Variants in RASAL2 observed in about 807,000 individuals in gnomAD.
RASAL2 encodes ras GTPase-activating protein nGAP.
Under a neutral mutation model 128.9 loss-of-function variants are expected in RASAL2, and 58 were observed. The ratio of observed to expected loss-of-function variants is 0.45; its 90% CI spans 0.36 to 0.56. The LOEUF is 0.56. Among genes scored for constraint, RASAL2 ranks in the 20% least tolerant of loss-of-function variants. The pLI is 0.00. For missense variants in RASAL2, 1,360 were observed against 1,601.6 expected, an observed-to-expected ratio of 0.85 and a Z score of 2.57; for synonymous variants, 561 against 580.8, an observed-to-expected ratio of 0.97 and a Z score of 0.49.
At chr1:178,234,132 A>G (rs886785856) in intron 1 of RASAL2, among the ~76,000 whole-genome samples, 2 of 152,182 alleles carry the variant, frequency 1.3e-5, no homozygotes, top group Non-Finnish European at 2.9e-5. Flanking sequence ...CTTGAACTCA[A>G]TTTTGGAGCA....
At chr1:178,456,664 C>G (rs1293123921) in intron 12 of RASAL2, 57 bp from the exon 13 acceptor site, 2 of 1,584,104 alleles carry the variant, frequency 1.3e-6, no homozygotes, top group South Asian at 1.1e-5. Context: ...CAAAAACAAT[C>G]TGTGGTGGAT....
rs1337887263 is a variant in RASAL2 at position 178,473,137 on chromosome 1, G to A, written c.3741G>A (p.Val1247=). The A allele has an allele frequency of 6.2e-7, 1 of 1,614,234 alleles. No individual in the cohort carries two copies. ...NTRLMSALTQ[V]KERYSMQVRN... is the part of the protein sequence containing the mutation. ...GACTGATGAGCGCGCTGACCCAAGT[G>A]AAGGAGCGGTACAGCATGCAGGTCC... The change falls in exon 18 of 18, where the codon GTG becomes GTA. Residue 1247 remains valine, a synonymous_variant. Coordinates refer to ENST00000367649, the MANE Select transcript of RASAL2 (RefSeq NM_170692.4).
chr1:178,320,188 T>C (rs1296792415), intron 3 of RASAL2, among the ~76,000 whole-genome samples: 2 of 151,940 alleles, frequency 1.3e-5, no homozygotes, highest in Non-Finnish European at 2.9e-5. Flanking sequence ...GAACCACTGC[T>C]CTCTTCAAAG....
chr1:178,322,786 A>G (rs547034191), intron 3 of RASAL2, among the ~76,000 whole-genome samples: 1 of 152,212 alleles, frequency 6.6e-6, no homozygotes, highest in Non-Finnish European at 1.5e-5. Flanking sequence ...CCACTGATCT[A>G]TAAGATGAGG....
At chr1:178,431,239 C>CAT (rs1370325460) in intron 5 of RASAL2, among the ~76,000 whole-genome samples, 1 of 151,942 alleles carries the variant, frequency 6.6e-6, no homozygotes, top group Non-Finnish European at 1.5e-5. Flanking sequence ...AGAGTGTTTA[C>CAT]ATATCAGTTA....
At chr1:178,354,127 T>G (rs988541262) in intron 3 of RASAL2, among the ~76,000 whole-genome samples, 4 of 151,446 alleles carry the variant, frequency 2.6e-5, no homozygotes, top group African/African-American at 7.3e-5. Context: ...CCAGAAATCC[T>G]AAAAAAAATA....
intron 3 of RASAL2, among the ~76,000 whole-genome samples, chr1:178,373,360 C>G (rs1424583625): frequency 7.3e-6 from 1 of 137,372 alleles, no homozygotes; most frequent in African/African-American, 2.7e-5. Context: ...TAACCCGACT[C>G]TTAATTTACC....
At chr1:178,398,432 C>T (rs1161703450) in intron 4 of RASAL2, among the ~76,000 whole-genome samples, 1 of 152,104 alleles carries the variant, frequency 6.6e-6, no homozygotes, top group Non-Finnish European at 1.5e-5. Flanking sequence ...TTAATACAGT[C>T]CACCTCTGCC....
intron 1 of RASAL2, among the ~76,000 whole-genome samples, chr1:178,135,547 C>T (rs1229108028): frequency 6.9e-6 from 1 of 145,216 alleles, no homozygotes; most frequent in African/African-American, 2.5e-5. Flanking sequence ...AGCTGAATTC[C>T]TAAGGCTAAA....
intron 3 of RASAL2, among the ~76,000 whole-genome samples, chr1:178,302,850 G>T (rs1391020488): frequency 6.6e-6 from 1 of 152,202 alleles, no homozygotes; most frequent in Non-Finnish European, 1.5e-5. Flanking sequence ...GACCAGCCTG[G>T]TCAATATGGT....
chr1:178,200,139 G>A (rs1313399654), intron 1 of RASAL2, among the ~76,000 whole-genome samples: 1 of 152,102 alleles, frequency 6.6e-6, no homozygotes, highest in African/African-American at 2.4e-5. Flanking sequence ...TATTAGCTCT[G>A]TCCCTCTAGA....
At chr1:178,424,826 A>G (rs1675417623) in intron 5 of RASAL2, among the ~76,000 whole-genome samples, 1 of 152,196 alleles carries the variant, frequency 6.6e-6, no homozygotes. Flanking sequence ...ATAGCAGAAA[A>G]ACATTTTTAA....
intron 1 of RASAL2, among the ~76,000 whole-genome samples, chr1:178,198,268 G>C (rs2101961342): frequency 6.6e-6 from 1 of 152,280 alleles, no homozygotes; most frequent in South Asian, 2.1e-4. Context: ...AGATCCTTGA[G>C]GAATTGCCAC....
intron 17 of RASAL2, among the ~76,000 whole-genome samples, chr1:178,470,942 T>G (rs1219828858): frequency 6.6e-6 from 1 of 152,222 alleles, no homozygotes; most frequent in Non-Finnish European, 1.5e-5. Flanking sequence ...TTTGATTTTT[T>G]TTAACTTTTT....
intron 1 of RASAL2, among the ~76,000 whole-genome samples, chr1:178,154,908 C>T (rs1237324834): frequency 6.6e-6 from 1 of 152,170 alleles, no homozygotes; most frequent in African/African-American, 2.4e-5. Flanking sequence ...ACTGCAACCT[C>T]TGCCTTCCGG....
chr1:178,405,743 A>G (rs1216555718), intron 4 of RASAL2, among the ~76,000 whole-genome samples: 1 of 152,208 alleles, frequency 6.6e-6, no homozygotes, highest in Non-Finnish European at 1.5e-5. Flanking sequence ...ATAAATTTGT[A>G]CTGTTTAAAC....
intron 2 of RASAL2, among the ~76,000 whole-genome samples, chr1:178,287,863 T>A (rs1021075349): frequency 6.6e-6 from 1 of 152,102 alleles, no homozygotes; most frequent in African/African-American, 2.4e-5. Context: ...GATAAAAGAC[T>A]GCATATTGGG....
At chr1:178,144,067 A>G (rs1660634211) in intron 1 of RASAL2, among the ~76,000 whole-genome samples, 1 of 151,832 alleles carries the variant, frequency 6.6e-6, no homozygotes, top group Admixed American at 6.6e-5. Flanking sequence ...TTCAGTTTCT[A>G]TTTCCCTCTC....
chr1:178,294,673 G>T (rs1667416947), intron 2 of RASAL2, among the ~76,000 whole-genome samples: 1 of 152,162 alleles, frequency 6.6e-6, no homozygotes, highest in African/African-American at 2.4e-5. Context: ...CTATTTTCAG[G>T]CATTGGACAA....
Sources: allele counts gnomAD v4.1 joint callset (sites outside exome capture counted in the v4.1 genomes callset), GRCh38; gene constraint gnomAD v4.1.1; transcripts MANE v1.5; gene names NCBI Gene and HGNC (gene_info 2026-07-23, HGNC 2026-07-21).